Variants in AFAP1 observed in about 807,000 individuals in gnomAD.
AFAP1 encodes the protein actin filament associated protein 1.
In AFAP1, 75 loss-of-function variants were observed where a neutral mutation model predicts 93.9. That is an observed-to-expected ratio of 0.80 (90% confidence interval 0.66 to 0.97). The LOEUF is 0.97. AFAP1 is among the 50% of genes least tolerant of loss of function. AFAP1 has a pLI of 0.00. For synonymous variants in AFAP1, 517 were observed against 430.7 expected, an observed-to-expected ratio of 1.20 and a Z score of -2.48; for missense variants, 1,201 against 1,050.8, an observed-to-expected ratio of 1.14 and a Z score of -1.98.
chr4:7,800,313 G>A (rs1459177326), intron 10 of AFAP1, 129 bp downstream of exon 10: 1 of 915,894 alleles, frequency 1.1e-6, no homozygotes, highest in Admixed American at 2.1e-5. Context: ...GAGAAAAGAG[G>A]GTGGGCCCAA....
intron 5 of AFAP1, 180 bp downstream of exon 5, chr4:7,842,959 G>A (rs1195457724): frequency 1.9e-5 from 12 of 623,246 alleles, no homozygotes; most frequent in Non-Finnish European, 3.3e-5. Flanking sequence ...ACACGGGCGA[G>A]TGCTCCCTGA....
At chr4:7,805,847 G>A (rs1237445839) in intron 9 of AFAP1, among the ~76,000 whole-genome samples, 3 of 152,180 alleles carry the variant, frequency 2.0e-5, no homozygotes, top group East Asian at 1.9e-4. Context: ...CAACAAAGGA[G>A]GCACTTTTGG....
chr4:7,839,444 T>A (rs1560191070), intron 5 of AFAP1, among the ~76,000 whole-genome samples: 1 of 151,972 alleles, frequency 6.6e-6, no homozygotes, highest in Admixed American at 6.6e-5. Context: ...TTTATGTGAA[T>A]AATATATAAA....
intron 1 of AFAP1, among the ~76,000 whole-genome samples, chr4:7,880,688 G>T (rs368570850): frequency 1.3e-5 from 2 of 152,182 alleles, no homozygotes; most frequent in African/African-American, 4.8e-5. Flanking sequence ...TGACCAGACC[G>T]CCAGTCAAAG....
chr4:7,848,230 G>A (rs1215232361), intron 4 of AFAP1, among the ~76,000 whole-genome samples: 2 of 133,848 alleles, frequency 1.5e-5, no homozygotes, highest in African/African-American at 2.9e-5. Context: ...AGGGAGGGAC[G>A]GATGGAGGGA....
intron 6 of AFAP1, among the ~76,000 whole-genome samples, chr4:7,837,933 G>C (rs887861975): frequency 6.6e-6 from 1 of 152,158 alleles, no homozygotes; most frequent in South Asian, 2.1e-4. Context: ...AGGATCGATT[G>C]AGCCCAGGAG....
intron 7 of AFAP1, among the ~76,000 whole-genome samples, chr4:7,817,388 G>A (rs1159582361): frequency 6.6e-6 from 1 of 152,172 alleles, no homozygotes; most frequent in Admixed American, 6.5e-5. Context: ...GTATCACGAG[G>A]TCAGGAGTTC....
chr4:7,871,585 T>C lies in AFAP1; in HGVS notation c.127+367A>G, dbSNP rs577657569. On this transcript the variant is annotated intron_variant, in intron 2 of 17. Coordinates refer to ENST00000420658, the MANE Select transcript of AFAP1 (RefSeq NM_001134647.2). ...TGGGTTCCTCCATGTTCCGCCTACA[T>C]CTTCTCCCTTCCGATCTGCCAGTCG... Among the ~76,000 whole-genome samples the C allele has an allele frequency of 1.3e-3, 203 of 152,304 alleles. 1 individual carries two copies. The highest frequency in any genetic ancestry group is 4.6e-3 in the African/African-American group (193 of 41,560).
At chr4:7,837,757 A>C (rs1287517236) in intron 6 of AFAP1, among the ~76,000 whole-genome samples, 1 of 152,166 alleles carries the variant, frequency 6.6e-6, no homozygotes, top group Non-Finnish European at 1.5e-5. Context: ...GATGGCTCAC[A>C]CTTGTAATCC....
At chr4:7,796,896 C>A (rs2149019242) in intron 10 of AFAP1, among the ~76,000 whole-genome samples, 1 of 94,812 alleles carries the variant, frequency 1.1e-5, no homozygotes, top group South Asian at 3.7e-4. Context: ...CCCGTCTCTA[C>A]TAAAAAGTAA....
chr4:7,778,051 T>C (rs746943822), intron 14 of AFAP1: 1 of 153,372 alleles, frequency 6.5e-6, no homozygotes, highest in Non-Finnish European at 1.5e-5. Context: ...AATGCTTCTC[T>C]GCCCAATCTA....
intron 6 of AFAP1, among the ~76,000 whole-genome samples, chr4:7,819,413 C>G (rs560838048): frequency 2.0e-4 from 31 of 152,328 alleles, no homozygotes; most frequent in African/African-American, 5.8e-4. Flanking sequence ...ACGTTTCCTG[C>G]TGGCATGGAG....
chr4:7,799,065 T>A lies in AFAP1; in HGVS notation c.1266+1377A>T, dbSNP rs1426740113. ...CCAGTTTTCAGCCTACATAAATGTT[T>A]ACAAGGTACACTGACTCTAGCTCAG... is the stretch of plus-strand genomic sequence containing the variant. On this transcript the variant is annotated intron_variant, in intron 10 of 17. Transcript: ENST00000420658. 3 of 985,996 alleles carry A rather than the reference T, an allele frequency of 3.0e-6. No homozygotes were observed. The African/African-American group carries it at 5.2e-5, about 17-fold the overall frequency. 61.1% of individuals were successfully genotyped at this position (985,996 alleles called of 1,614,324 possible). A position where few individuals can be genotyped will look rare whatever the true frequency, so the allele number is the denominator to read the frequency against.
chr4:7,770,674 C>T (rs1024377083), intron 16 of AFAP1, among the ~76,000 whole-genome samples: 7 of 152,202 alleles, frequency 4.6e-5, no homozygotes, highest in Admixed American at 4.6e-4. Flanking sequence ...AAGGATCCTC[C>T]CAGGTGTCTG....
chr4:7,858,901 G>A (rs1177945739), intron 3 of AFAP1, among the ~76,000 whole-genome samples: 1 of 152,158 alleles, frequency 6.6e-6, no homozygotes, highest in African/African-American at 2.4e-5. Context: ...AAATTCCATT[G>A]AGAGCTGACC....
chr4:7,902,228 A>T (rs1297472736), intron 1 of AFAP1, among the ~76,000 whole-genome samples: 1 of 152,184 alleles, frequency 6.6e-6, no homozygotes, highest in Non-Finnish European at 1.5e-5. Context: ...CCGGGTCCCA[A>T]ATCCCCATGT....
intron 10 of AFAP1, among the ~76,000 whole-genome samples, chr4:7,795,788 A>C (rs1250675085): frequency 6.6e-6 from 1 of 152,194 alleles, no homozygotes; most frequent in Non-Finnish European, 1.5e-5. Context: ...AAAGCATTTT[A>C]AAAATGTTTT....
chr4:7,859,804 G>C (rs1715468222), intron 3 of AFAP1, among the ~76,000 whole-genome samples: 1 of 152,120 alleles, frequency 6.6e-6, no homozygotes, highest in South Asian at 2.1e-4. Context: ...CTTTTGGAAA[G>C]GAAAGCCCAT....
At chr4:7,866,641 G>A (rs1223204010) in intron 3 of AFAP1, among the ~76,000 whole-genome samples, 1 of 152,148 alleles carries the variant, frequency 6.6e-6, no homozygotes, top group African/African-American at 2.4e-5. Flanking sequence ...AGCCAGAAGA[G>A]GAAGCCAGAA....
Sources: gnomAD v4.1 joint callset for allele counts (sites outside exome capture counted in the v4.1 genomes callset) on GRCh38, gnomAD v4.1.1 for gene constraint, MANE v1.5 for transcripts, NCBI Gene and HGNC (gene_info 2026-07-23, HGNC 2026-07-21) for gene names.